JDP2: variants seen among roughly 807,000 people sequenced by gnomAD.
JDP2 encodes the protein Jun dimerization protein 2, also known as progesterone receptor co-activator.
Under a neutral mutation model 17.1 loss-of-function variants are expected in JDP2, and 9 were observed. The ratio of observed to expected loss-of-function variants is 0.53; its 90% CI spans 0.32 to 0.92. The LOEUF is 0.92. JDP2 is among the 40% of genes least tolerant of loss of function. JDP2 has a pLI of 0.04. For synonymous variants in JDP2, 107 were observed against 95.6 expected (o/e 1.12, Z -0.69); for missense variants, 179 against 220.0 (o/e 0.81, Z 1.18).
At chr14:75,453,179 T>G (rs1305379657) in intron 2 of JDP2, among the ~76,000 whole-genome samples, 27 of 138,552 alleles carry the variant, frequency 1.9e-4, no homozygotes, top group African/African-American at 2.7e-4. Context: ...GGTGGGGGAG[T>G]GGGGAGGGAC....
intron 2 of JDP2, chr14:75,445,119 G>T (rs761418448): frequency 1.4e-4 from 140 of 985,254 alleles, no homozygotes; most frequent in Admixed American, 4.9e-4. Context: ...TCAGAGTTGG[G>T]AAACTGAGTC....
chr14:75,464,597 C>T (rs141857098), intron 3 of JDP2, among the ~76,000 whole-genome samples: 69 of 152,262 alleles, frequency 4.5e-4, no homozygotes, highest in African/African-American at 1.4e-3. Context: ...TTGGTATCCT[C>T]GGGGAGTCCT....
chr14:75,435,771 A>G (rs1187363900), intron 1 of JDP2, among the ~76,000 whole-genome samples: 1 of 152,138 alleles, frequency 6.6e-6, no homozygotes, highest in Non-Finnish European at 1.5e-5. Flanking sequence ...GGCCCAGGGG[A>G]CACGGGGTGA....
chr14:75,427,201 T>G (rs1884562770), upstream of JDP2: 1 of 152,800 alleles, frequency 6.5e-6, no homozygotes, highest in African/African-American at 2.4e-5. The surrounding 1 kb of genome is among the most constrained non-coding windows in gnomAD (Gnocchi z 4.4). Flanking sequence ...TGCTGAGGGC[T>G]GGGTCTGCTC....
At chr14:75,454,675 G>C (rs77512466) in intron 2 of JDP2, among the ~76,000 whole-genome samples, 70 of 152,336 alleles carry the variant, frequency 4.6e-4, no homozygotes, top group East Asian at 4.4e-3. Context: ...GAAATACACA[G>C]GGAGATAGTA....
At chr14:75,443,926 A>G (rs1025627708) in intron 2 of JDP2, among the ~76,000 whole-genome samples, 2 of 151,206 alleles carry the variant, frequency 1.3e-5, no homozygotes, top group Non-Finnish European at 2.9e-5. Context: ...TTTTTGAGAC[A>G]GATTCTCACT....
chr14:75,471,472 A>C lies in JDP2; in HGVS notation c.*1997A>C, dbSNP rs1164853067. On this transcript the variant is annotated 3_prime_UTR_variant, in exon 4 of 4. Coordinates refer to ENST00000651602, the MANE Select transcript of JDP2 (RefSeq NM_001135048.2). ...TAAACTTGACTCCTGCATTCTAATC[A>C]TGTGTTCTTTCTCCTCCATCCCTGG... The C allele has an allele frequency of 6.6e-6, 1 of 152,178 alleles. No individual in the cohort carries two copies. The highest frequency in any genetic ancestry group is 1.9e-4 in the East Asian group (1 of 5,196). The allele number at this position is 152,178 out of a possible 1,614,324, so 9.4% of individuals were successfully genotyped here.
chr14:75,434,181 C>T (rs1329229521), intron 1 of JDP2, among the ~76,000 whole-genome samples: 1 of 152,146 alleles, frequency 6.6e-6, no homozygotes, highest in African/African-American at 2.4e-5. Context: ...TAAATCACAT[C>T]AAATTGTTTT....
Position 75,464,670 on chromosome 14 carries a change from G to A in JDP2, c.306+3140G>A, listed in dbSNP as rs138259415. The stretch of plus-strand genomic sequence containing the variant: ...TATATGTCATAGGTAAAAAGCCACC[G>A]TCCCACCCTTGACCCCTGGACAACC... On this transcript the variant is annotated intron_variant, in intron 3 of 3. Coordinates refer to ENST00000651602, the MANE Select transcript of JDP2 (RefSeq NM_001135048.2). Among the ~76,000 whole-genome samples the A allele has an allele frequency of 3.0e-3, 457 of 152,218 alleles. 3 individuals are homozygous for A. The highest frequency in any genetic ancestry group is 0.01 in the African/African-American group (427 of 41,518).
chr14:75,469,052 G>A (rs1179157124), intron 3 of JDP2, among the ~76,000 whole-genome samples: 3 of 152,364 alleles, frequency 2.0e-5, no homozygotes, highest in Non-Finnish European at 2.9e-5. Flanking sequence ...GAGGTGGGAC[G>A]TGAGTCTGGC....
intron 2 of JDP2, among the ~76,000 whole-genome samples, chr14:75,458,346 A>G (rs892927345): frequency 2.0e-5 from 3 of 151,862 alleles, no homozygotes; most frequent in Admixed American, 6.6e-5. Context: ...AGTAGGCCCC[A>G]GTGTGTGTTG....
intron 1 of JDP2, among the ~76,000 whole-genome samples, chr14:75,433,339 A>G (rs927120735): frequency 4.0e-5 from 6 of 149,980 alleles, no homozygotes; most frequent in African/African-American, 1.2e-4. Context: ...CACACAAAAA[A>G]TGAGAGAGGA....
At position 75,447,461 on chromosome 14, in the gene JDP2, G is replaced by A. The variant is rs112088323; in HGVS notation, c.201+9340G>A. On this transcript the variant is annotated intron_variant, in intron 2 of 3. Coordinates refer to ENST00000651602, the MANE Select transcript of JDP2 (RefSeq NM_001135048.2). ...ATAATTTTATCTATTATTAAAAAAA[G>A]GCAAGATCCACACACATGCTCATAC... 4.0e-5 allele frequency among the ~76,000 whole-genome samples: 6 copies of A among 149,900 alleles called. 1 individual carries two copies. Among genetic ancestry groups the A allele is most frequent in the African/African-American group, 1.2e-4 (5 of 40,738 alleles).
intron 2 of JDP2, among the ~76,000 whole-genome samples, chr14:75,442,498 CTTGT>C (rs1192656611): frequency 1.3e-5 from 2 of 152,170 alleles, no homozygotes; most frequent in Admixed American, 6.6e-5. Flanking sequence ...ACAGACCTTG[CTTGT>C]TTGTTTGAAC....
chr14:75,445,237 A>G (rs955372613), intron 2 of JDP2: 3 of 985,354 alleles, frequency 3.0e-6, no homozygotes, highest in East Asian at 1.1e-4. Flanking sequence ...AGGTTGGAGC[A>G]TGGAGATCTA....
At chr14:75,468,099 G>A (rs1886648039) in intron 3 of JDP2, among the ~76,000 whole-genome samples, 1 of 152,148 alleles carries the variant, frequency 6.6e-6, no homozygotes, top group Non-Finnish European at 1.5e-5. Context: ...GGACTGGCAG[G>A]CTTATGGGCT....
chr14:75,450,373 C>T (rs1046087814), intron 2 of JDP2, among the ~76,000 whole-genome samples: 6 of 152,228 alleles, frequency 3.9e-5, no homozygotes, highest in African/African-American at 1.4e-4. Context: ...TCTAGGGTCT[C>T]TGGGTCTTCT....
At chr14:75,445,696 G>A in intron 2 of JDP2, 2 of 612,894 alleles carry the variant, frequency 3.3e-6, no homozygotes, top group Non-Finnish European at 4.1e-6. Flanking sequence ...AAATGTAAGA[G>A]TGAAAACTAG....
At chr14:75,443,277 G>A (rs150824372) in intron 2 of JDP2, among the ~76,000 whole-genome samples, 19 of 152,318 alleles carry the variant, frequency 1.2e-4, no homozygotes, top group African/African-American at 4.1e-4. Context: ...CTGATGTGCT[G>A]GGTAAATGTT....
Sources: gnomAD v4.1 joint callset for allele counts (sites outside exome capture counted in the v4.1 genomes callset) on GRCh38, gnomAD v4.1.1 for gene constraint, Gnocchi (gnomAD v3.1) non-coding constraint, MANE v1.5 for transcripts, NCBI Gene and HGNC (gene_info 2026-07-23, HGNC 2026-07-21) for gene names.